Variants in HMCN1 observed in about 807,000 individuals in gnomAD.
HMCN1 encodes the protein hemicentin 1.
Under a neutral mutation model 625.9 loss-of-function variants are expected in HMCN1, and 321 were observed. The ratio of observed to expected loss-of-function variants is 0.51; its 90% CI spans 0.47 to 0.56. HMCN1 has a LOEUF of 0.56. HMCN1 is among the 20% of genes least tolerant of loss of function. The pLI is 0.00. For missense variants in HMCN1, 6,588 were observed against 6,887.3 expected, an observed-to-expected ratio of 0.96 and a Z score of 1.54; for synonymous variants, 2,425 against 2,417.6, an observed-to-expected ratio of 1.00 and a Z score of -0.09.
intron 13 of HMCN1, among the ~76,000 whole-genome samples, chr1:185,964,586 C>T (rs1417945027): frequency 1.3e-5 from 2 of 151,908 alleles, no homozygotes; most frequent in Non-Finnish European, 2.9e-5. Flanking sequence ...GGGAGAGAAC[C>T]AAAATGTCAC....
rs1656746589 is a variant in HMCN1, at chr1:186,048,764, G to C, written c.6502G>C (p.Asp2168His). 6.2e-7 allele frequency: 1 copy of C among 1,610,310 alleles called. No homozygotes were observed. Among genetic ancestry groups the C allele is most frequent in the Non-Finnish European group, 8.5e-7 (1 of 1,177,006 alleles). ...VLKIEDAQVQ[D>H]TGRYTCEATN... ...TCAGATTGAAGATGCTCAGGTTCAA[G>C]ACACTGGTCGTTACACTTGTGAAGC... Residue 2168 changes from aspartate (D) to histidine (H), a missense_variant, in exon 42 of 107, where the codon GAC (aspartate) becomes CAC (histidine). Transcript: ENST00000271588.
intron 28 of HMCN1, among the ~76,000 whole-genome samples, chr1:186,003,020 T>C (rs560871425): frequency 6.6e-6 from 1 of 152,252 alleles, no homozygotes; most frequent in South Asian, 2.1e-4. Flanking sequence ...CTGAATCCAC[T>C]TTTTGCTACT....
intron 1 of HMCN1, among the ~76,000 whole-genome samples, chr1:185,763,642 T>G (rs75269997): frequency 1.5e-3 from 234 of 152,312 alleles, no homozygotes; most frequent in Non-Finnish European, 2.7e-3. Flanking sequence ...GGAAAGAAAC[T>G]GATATTTCTT....
chr1:185,874,882 T>C (rs1237564362), intron 4 of HMCN1, among the ~76,000 whole-genome samples: 3 of 151,910 alleles, frequency 2.0e-5, no homozygotes, highest in Admixed American at 1.3e-4. Context: ...CAATATCATC[T>C]GTAAAAAAGG....
chr1:185,784,424 T>G (rs1204439468), intron 1 of HMCN1, among the ~76,000 whole-genome samples: 5 of 152,088 alleles, frequency 3.3e-5, no homozygotes, highest in Admixed American at 1.3e-4. Flanking sequence ...AATGCAGAAA[T>G]CACCCGTCTT....
chr1:185,913,274 C>A (rs191173887), intron 6 of HMCN1, among the ~76,000 whole-genome samples: 2 of 152,172 alleles, frequency 1.3e-5, no homozygotes, highest in East Asian at 3.9e-4. Flanking sequence ...TTTTTTCCAC[C>A]CAGTTCCTTG....
At chr1:186,125,997 C>T (rs1349651202) in intron 82 of HMCN1, among the ~76,000 whole-genome samples, 3 of 151,892 alleles carry the variant, frequency 2.0e-5, no homozygotes, top group African/African-American at 7.3e-5. Flanking sequence ...TCATAAATGC[C>T]CTCCTTCGAA....
At chr1:186,089,261 G>T (rs1471874998) in intron 63 of HMCN1, among the ~76,000 whole-genome samples, 4 of 151,962 alleles carry the variant, frequency 2.6e-5, no homozygotes, top group Admixed American at 2.6e-4. Flanking sequence ...ATTAAGCATT[G>T]CAGGGACAAC....
chr1:186,119,953 T>A, intron 79 of HMCN1, 58 bp from the exon 80 acceptor site: 2 of 1,614,016 alleles, frequency 1.2e-6, no homozygotes, highest in Non-Finnish European at 1.7e-6. Flanking sequence ...TCAGCATGAT[T>A]GTTTTTAATG....
chr1:185,993,152 A>G (rs1254221021), intron 22 of HMCN1, 30 bp from the exon 23 acceptor site: 12 of 1,604,082 alleles, frequency 7.5e-6, no homozygotes, highest in East Asian at 2.2e-5. Flanking sequence ...CTCCTCTTCC[A>G]TGGTCTACTA....
intron 1 of HMCN1, among the ~76,000 whole-genome samples, chr1:185,837,146 G>T (rs1252827865): frequency 6.6e-6 from 1 of 151,510 alleles, no homozygotes; most frequent in Non-Finnish European, 1.5e-5. Flanking sequence ...ATAGTGCTGT[G>T]ATGAACATAT....
intron 96 of HMCN1, 122 bp from the exon 97 acceptor site, chr1:186,153,628 A>C (rs79661978): frequency 1.2e-6 from 1 of 805,130 alleles, no homozygotes. Context: ...ACCATCATGC[A>C]TGATGTGTGT....
intron 98 of HMCN1, among the ~76,000 whole-genome samples, chr1:186,165,429 C>T (rs72707469): frequency 0.23 from 34,575 of 152,130 alleles, 4,266 homozygotes; most frequent in Middle Eastern, 0.3. Context: ...CCACAGCCAA[C>T]TGTGTCAGAG....
At chr1:185,841,188 T>C (rs1331190555) in intron 1 of HMCN1, among the ~76,000 whole-genome samples, 1 of 152,068 alleles carries the variant, frequency 6.6e-6, no homozygotes, top group African/African-American at 2.4e-5. Flanking sequence ...CACTAGGAAA[T>C]GGGAAATAAT....
At position 186,015,323 on chromosome 1, in the gene HMCN1, A is replaced by G; in HGVS notation, c.4795A>G (p.Lys1599Glu). 1 of 1,613,808 alleles carries G rather than the reference A, an allele frequency of 6.2e-7. No homozygotes were observed. The highest frequency in any genetic ancestry group is 8.5e-7 in the Non-Finnish European group (1 of 1,179,790). Reference sequence around the variant, plus strand: ...CAGCTCACAAGCACTTTATATTGATAAAGGACAATATCTTCATATTCCTCG... The same window carrying G: ...CAGCTCACAAGCACTTTATATTGATGAAGGACAATATCTTCATATTCCTCG... ...MSSSQALYID[K>E]GQYLHIPRAQ... Residue 1599 changes from lysine to glutamate, a missense_variant, in exon 31 of 107, where the codon AAA becomes GAA. Transcript: ENST00000271588.
chr1:185,989,076 T>C (rs192883446), intron 20 of HMCN1, among the ~76,000 whole-genome samples: 223 of 150,938 alleles, frequency 1.5e-3, no homozygotes, highest in African/African-American at 4.1e-3. Flanking sequence ...GGCACGATCT[T>C]GGCTCACTGC....
intron 89 of HMCN1, among the ~76,000 whole-genome samples, 178 bp from the exon 90 acceptor site, chr1:186,143,995 C>T (rs954728828): frequency 6.6e-6 from 1 of 152,166 alleles, no homozygotes; most frequent in African/African-American, 2.4e-5. Flanking sequence ...ACACAAATTC[C>T]TCTGAAAATC....
intron 89 of HMCN1, among the ~76,000 whole-genome samples, chr1:186,138,618 T>A (rs1034476334): frequency 6.6e-6 from 1 of 152,206 alleles, no homozygotes; most frequent in African/African-American, 2.4e-5. Context: ...TTAAACTCTT[T>A]CCATGTGGTG....
At chr1:185,927,731 AT>A (rs1385687351) in intron 9 of HMCN1, among the ~76,000 whole-genome samples, 2 of 152,042 alleles carry the variant, frequency 1.3e-5, no homozygotes, top group Admixed American at 1.3e-4. Context: ...CTATATCTTG[AT>A]TTTTTTAAGG....
Sources: allele counts gnomAD v4.1 joint callset (sites outside exome capture counted in the v4.1 genomes callset), GRCh38; gene constraint gnomAD v4.1.1; transcripts MANE v1.5; gene names NCBI Gene and HGNC (gene_info 2026-07-23, HGNC 2026-07-21).